The following VTI1B variants were observed in gnomAD, a reference collection of about 807,000 sequenced individuals.
VTI1B encodes the protein vesicle transport through interaction with t-SNAREs homolog 1B.
Under a neutral mutation model 28.6 loss-of-function variants are expected in VTI1B, and 18 were observed. The ratio of observed to expected loss-of-function variants is 0.63; its 90% CI spans 0.43 to 0.93. The LOEUF is 0.93. Among genes scored for constraint, VTI1B ranks in the 40% least tolerant of loss-of-function variants. The probability of loss-of-function intolerance (pLI) is 0.00; values close to 1 mark genes in which losing one functional copy is unlikely to be tolerated. For synonymous variants in VTI1B, 100 were observed against 107.9 expected (o/e 0.93, Z 0.46); for missense variants, 283 against 297.0 (o/e 0.95, Z 0.35).
chr14:67,653,336 T>C, intron 5 of VTI1B, 101 bp downstream of exon 5: 1 of 961,656 alleles, frequency 1.0e-6, no homozygotes, highest in South Asian at 1.4e-5. Flanking sequence ...ATGCGTCAAC[T>C]GCTGAGGTGC....
In VTI1B at chr14:67,651,289, A is replaced by G. The variant is rs1169278400; in HGVS notation, c.*96T>C. ...CTATACAGTGCATCCTTGAACTGTCAGCCCACAGCAGCAATATGCTTATTC... is the reference window on the plus strand; with the variant it reads ...CTATACAGTGCATCCTTGAACTGTCGGCCCACAGCAGCAATATGCTTATTC... On this transcript the variant is annotated 3_prime_UTR_variant, in exon 6 of 6. Coordinates refer to ENST00000554659, the MANE Select transcript of VTI1B (RefSeq NM_006370.3). 2 of 1,600,900 alleles carry G rather than the reference A, an allele frequency of 1.2e-6. No individual in the cohort carries two copies. The highest frequency in any genetic ancestry group is 1.7e-6 in the Non-Finnish European group (2 of 1,173,636).
chr14:67,667,117 A>C (rs950877125), intron 1 of VTI1B, among the ~76,000 whole-genome samples: 2 of 152,120 alleles, frequency 1.3e-5, no homozygotes, highest in African/African-American at 4.8e-5. Flanking sequence ...CTCCTTTGGG[A>C]AACTGGGTGG....
In VTI1B at chr14:67,647,992, A is replaced by G. The variant is rs971294664; in HGVS notation, c.*3393T>C. On this transcript the variant is annotated 3_prime_UTR_variant, in exon 6 of 6. Coordinates refer to ENST00000554659, the MANE Select transcript of VTI1B (RefSeq NM_006370.3). The stretch of plus-strand genomic sequence containing the variant: ...GCAACCATAAGAAGGATGAGTGTCC[A>G]AGGACAACCAGTTAAGTATTATTTT... 1.3e-6 allele frequency: 2 copies of G among 1,505,094 alleles called. No homozygotes were observed. The highest frequency in any genetic ancestry group is 2.0e-5 in the Admixed American group (1 of 50,422). 93.2% of individuals were successfully genotyped at this position (1,505,094 alleles called of 1,614,324 possible).
At position 67,674,557 on chromosome 14, in the gene VTI1B, T is replaced by C. The variant is rs1163247995; in HGVS notation, c.-68A>G. On this transcript the variant is annotated 5_prime_UTR_variant, in exon 1 of 6. The change abolishes the stop of an existing upstream ORF in the 5' untranslated region. Transcript: ENST00000554659. ...CCTGGGCCCTTTCCTAGCCCGGCGG[T>C]CAGCCGCCCAGCCCAGTGGCCATAA... 7.1e-7 allele frequency: 1 copy of C among 1,410,808 alleles called. No individual in the cohort carries two copies. The highest frequency in any genetic ancestry group is 2.6e-5 in the East Asian group (1 of 38,500). 87.4% of individuals were successfully genotyped at this position (1,410,808 alleles called of 1,614,324 possible). A position where few individuals can be genotyped will look rare whatever the true frequency, so the allele number is the denominator to read the frequency against.
At chr14:67,669,150 TA>T (rs2037436757) in intron 1 of VTI1B, among the ~76,000 whole-genome samples, 1 of 152,202 alleles carries the variant, frequency 6.6e-6, no homozygotes, top group Non-Finnish European at 1.5e-5. Flanking sequence ...TGGGTTAAAG[TA>T]ACCTGTCCAA....
intron 4 of VTI1B, among the ~76,000 whole-genome samples, chr14:67,654,423 G>C (rs558877790): frequency 2.6e-5 from 4 of 152,276 alleles, no homozygotes; most frequent in African/African-American, 7.2e-5. Flanking sequence ...AATTACAGGT[G>C]TAAGCCCGGC....
Position 67,668,092 on chromosome 14 carries a change from G to A in VTI1B, c.116-5557C>T, listed in dbSNP as rs370442898. ...GGCTCTGAAAATAATAGGGTCTTGT[G>A]TTATACATACTGATCTAAATGATTT... is the stretch of plus-strand genomic sequence containing the variant. On this transcript the variant is annotated intron_variant, in intron 1 of 5. Transcript: ENST00000554659. 2.6e-5 allele frequency among the ~76,000 whole-genome samples: 4 copies of A among 152,090 alleles called. No homozygotes were observed. The East Asian group carries it at 5.8e-4, about 22-fold the overall frequency.
At chr14:67,661,529 CTTTT>C (rs35440818) in intron 2 of VTI1B, among the ~76,000 whole-genome samples, 8 of 110,066 alleles carry the variant, frequency 7.3e-5, no homozygotes, top group South Asian at 5.8e-4. Context: ...GAACAGTAAC[CTTTT>C]TTTTTTTTTT....
chr14:67,673,385 A>G (rs2037493561), intron 1 of VTI1B, among the ~76,000 whole-genome samples: 1 of 152,142 alleles, frequency 6.6e-6, no homozygotes, highest in East Asian at 1.9e-4. Context: ...CTGAAGTCCC[A>G]TCCCCTATTC....
rs1566808912 is a variant in VTI1B at position 67,651,395 on chromosome 14, C to CGAAAGAATT, written c.680_688dup (p.Phe229_Arg230insGlnPhePhe). The stretch of plus-strand genomic sequence containing the variant: ...CTTCCCTATAGAAGTTCAATGGCTG[C>CGAAAGAATT]GAAAGAATTTGTAGTAAACCAGGCC... On this transcript the variant is annotated inframe_insertion, in exon 6 of 6. Transcript: ENST00000554659. The CGAAAGAATT allele has an allele frequency of 1.2e-6, 2 of 1,613,680 alleles. No homozygotes were observed.
At position 67,661,952 on chromosome 14, in the gene VTI1B, C is replaced by G. The variant is rs141510553; in HGVS notation, c.174+525G>C. 3.3e-3 allele frequency among the ~76,000 whole-genome samples: 494 copies of G among 151,944 alleles called. 17 individuals carry two copies. In the East Asian group the frequency reaches 0.081, roughly 25 times the overall value. ...CGGGCAGATCATGAGGTCAGGAGAT[C>G]GAGACCATCCTGGCTAACACGGTGA... On this transcript the variant is annotated intron_variant, in intron 2 of 5. Coordinates refer to ENST00000554659, the MANE Select transcript of VTI1B (RefSeq NM_006370.3).
chr14:67,651,281 G>T lies in VTI1B; in HGVS notation c.*104C>A. On this transcript the variant is annotated 3_prime_UTR_variant, in exon 6 of 6. Coordinates refer to ENST00000554659, the MANE Select transcript of VTI1B (RefSeq NM_006370.3). ...CAGCCTGGCTATACAGTGCATCCTT[G>T]AACTGTCAGCCCACAGCAGCAATAT... 6.3e-7 allele frequency: 1 copy of T among 1,596,068 alleles called. No individual in the cohort carries two copies. The highest frequency in any genetic ancestry group is 8.5e-7 in the Non-Finnish European group (1 of 1,171,568).
intron 2 of VTI1B, among the ~76,000 whole-genome samples, chr14:67,661,283 A>AAT (rs1412321334): frequency 2.0e-5 from 3 of 147,798 alleles, no homozygotes; most frequent in African/African-American, 7.5e-5. Flanking sequence ...TAGAGCAAAA[A>AAT]AAAAAAAAAA....
At position 67,650,630 on chromosome 14, in the gene VTI1B, C is replaced by G. The variant is rs1224762028; in HGVS notation, c.*755G>C. 7.7e-7 allele frequency: 1 copy of G among 1,290,416 alleles called. No homozygotes were observed. Among genetic ancestry groups the G allele is most frequent in the Non-Finnish European group, 1.1e-6 (1 of 892,540 alleles). The allele number at this position is 1,290,416 out of a possible 1,614,324, so 79.9% of individuals were successfully genotyped here. A position where few individuals can be genotyped will look rare whatever the true frequency, so the allele number is the denominator to read the frequency against. On this transcript the variant is annotated 3_prime_UTR_variant, in exon 6 of 6. Coordinates refer to ENST00000554659, the MANE Select transcript of VTI1B (RefSeq NM_006370.3). ...AAATGGACTCTTGTTTTTACTTTGGCTTGTTCTCCCTGTCCCAGTGGGATG... is the reference window on the plus strand; with the variant it reads ...AAATGGACTCTTGTTTTTACTTTGGGTTGTTCTCCCTGTCCCAGTGGGATG...
intron 5 of VTI1B, chr14:67,652,529 C>T (rs957244300): frequency 1.9e-5 from 3 of 155,098 alleles, no homozygotes; most frequent in African/African-American, 7.2e-5. Flanking sequence ...CTTGTGTTTT[C>T]TGGACCTTTA....
At chr14:67,653,771 A>C (rs548504781) in intron 4 of VTI1B, among the ~76,000 whole-genome samples, 1 of 152,346 alleles carries the variant, frequency 6.6e-6, no homozygotes, top group African/African-American at 2.4e-5. Flanking sequence ...TGGCTACTCC[A>C]AAAGGGAAGG....
Position 67,648,248 on chromosome 14 carries a change from G to T in VTI1B, c.*3137C>A. 6.6e-7 allele frequency: 1 copy of T among 1,518,896 alleles called. No individual in the cohort carries two copies. The highest frequency in any genetic ancestry group is 2.0e-5 in the Admixed American group (1 of 50,194). The allele number at this position is 1,518,896 out of a possible 1,614,324, so 94.1% of individuals were successfully genotyped here. On this transcript the variant is annotated 3_prime_UTR_variant, in exon 6 of 6. Coordinates refer to ENST00000554659, the MANE Select transcript of VTI1B (RefSeq NM_006370.3). ...GTAAATATGCTAGAGTCTCTTGCCT[G>T]CAAAGGATCTTTTCTGCTATTCCAC...
At chr14:67,673,768 C>T (rs886566487) in intron 1 of VTI1B, among the ~76,000 whole-genome samples, 1 of 152,136 alleles carries the variant, frequency 6.6e-6, no homozygotes. Context: ...GGATTTAGGG[C>T]CGGAAAACTC....
intron 4 of VTI1B, 121 bp from the exon 5 acceptor site, chr14:67,653,619 C>A: frequency 1.2e-6 from 1 of 818,998 alleles, no homozygotes; most frequent in Non-Finnish European, 1.9e-6. Flanking sequence ...GAAATCAAGC[C>A]AATTTAAATG....
Sources: allele counts gnomAD v4.1 joint callset (sites outside exome capture counted in the v4.1 genomes callset), GRCh38; gene constraint gnomAD v4.1.1; transcripts MANE v1.5; gene names NCBI Gene and HGNC (gene_info 2026-07-23, HGNC 2026-07-21).